Variants in AGAP1 observed in about 807,000 individuals in gnomAD.
AGAP1 encodes the protein ArfGAP with GTPase domain, ankyrin repeat and PH domain 1.
A neutral mutation model predicts 105.3 loss-of-function variants in AGAP1; 29 were observed. That is an observed-to-expected ratio of 0.28 (90% CI 0.21 to 0.38). AGAP1 has a LOEUF of 0.38. AGAP1 is among the 10% of genes least tolerant of loss of function. The pLI, the probability that AGAP1 is intolerant of heterozygous loss-of-function variation, is 1.00. For missense variants in AGAP1, 998 were observed against 1,165.1 expected, an observed-to-expected ratio of 0.86 and a Z score of 2.09; for synonymous variants, 509 against 485.9, an observed-to-expected ratio of 1.05 and a Z score of -0.63.
At position 235,582,828 on chromosome 2, in the gene AGAP1, A is replaced by C. The variant is rs1481024054; in HGVS notation, c.163+87979A>C. On this transcript the variant is annotated intron_variant, in intron 1 of 17. Coordinates refer to ENST00000304032, the MANE Select transcript of AGAP1 (RefSeq NM_001037131.3). This position sits in a 1 kb window ranked among gnomAD's most constrained non-coding sequence, Gnocchi z 4.7. The stretch of plus-strand genomic sequence containing the variant: ...ATCACAGCCTTATGCTGCATTTCCT[A>C]AAGTGCTTTCTAGCACTGACCGACT... Among the ~76,000 whole-genome samples the C allele has an allele frequency of 1.3e-5, 2 of 152,182 alleles. No homozygotes were observed. Among genetic ancestry groups the C allele is most frequent in the Non-Finnish European group, 2.9e-5 (2 of 68,034 alleles).
chr2:235,890,472 G>C (rs2050484367), intron 10 of AGAP1, among the ~76,000 whole-genome samples: 1 of 152,196 alleles, frequency 6.6e-6, no homozygotes, highest in Non-Finnish European at 1.5e-5. Flanking sequence ...CTAAAGGCCA[G>C]TGGTGGGGCA....
intron 8 of AGAP1, among the ~76,000 whole-genome samples, chr2:235,802,961 TGTG>T (rs1957602240): frequency 4.1e-5 from 1 of 24,174 alleles, no homozygotes; most frequent in African/African-American, 1.7e-4. Context: ...TGATGATGGT[TGTG>T]ATGATGGTTG....
chr2:235,701,587 C>A lies in AGAP1; in HGVS notation c.164-7592C>A, dbSNP rs929796786. ...GGGAAGCCTGAAACCAATCTGGTAT[C>A]CCCAGGGTTTATGTTTTATTTCATT... On this transcript the variant is annotated intron_variant, in intron 1 of 17. Coordinates refer to ENST00000304032, the MANE Select transcript of AGAP1 (RefSeq NM_001037131.3). This position sits in a 1 kb window ranked among gnomAD's most constrained non-coding sequence, Gnocchi z 4.1. Among the ~76,000 whole-genome samples the A allele has an allele frequency of 6.6e-6, 1 of 152,138 alleles. No individual in the cohort carries two copies. Among genetic ancestry groups the A allele is most frequent in the Non-Finnish European group, 1.5e-5 (1 of 68,028 alleles).
chr2:236,004,397 G>A (rs1049501694), intron 13 of AGAP1, among the ~76,000 whole-genome samples: 17 of 152,266 alleles, frequency 1.1e-4, no homozygotes, highest in Non-Finnish European at 2.2e-4. Context: ...TTCCCAGTGG[G>A]CCAAAGCTCA....
rs1029050192 is a variant in AGAP1, at chr2:235,612,123, G to T, written c.164-97056G>T. On this transcript the variant is annotated intron_variant, in intron 1 of 17. Coordinates refer to ENST00000304032, the MANE Select transcript of AGAP1 (RefSeq NM_001037131.3). The surrounding 1 kb of genome is among the most constrained non-coding windows in gnomAD (Gnocchi z 4.3). ...AATCGTAATCTGAGTGCAATTTCAGGACTTTGTTTTCCAGATGGCTTATTG... is the reference window on the plus strand; with the variant it reads ...AATCGTAATCTGAGTGCAATTTCAGTACTTTGTTTTCCAGATGGCTTATTG... Among the ~76,000 whole-genome samples the T allele has an allele frequency of 5.3e-5, 8 of 152,172 alleles. No homozygotes were observed. Among genetic ancestry groups the T allele is most frequent in the Non-Finnish European group, 1.5e-5 (1 of 68,028 alleles).
chr2:236,121,936 T>C lies in AGAP1; in HGVS notation c.2370+1489T>C, dbSNP rs1350019411. On this transcript the variant is annotated intron_variant, in intron 17 of 17. Transcript: ENST00000304032. The surrounding 1 kb of genome is among the most constrained non-coding windows in gnomAD (Gnocchi z 4.9). ...GCCTTTCCTCTGCACTCGCTCCTGG[T>C]AGCTCTCTCCTTTCCCCCCACCCCC... Among the ~76,000 whole-genome samples, 1 of 151,954 alleles carries C rather than the reference T, an allele frequency of 6.6e-6. No individual in the cohort carries two copies. The highest frequency in any genetic ancestry group is 1.5e-5 in the Non-Finnish European group (1 of 68,000).
chr2:235,601,306 AAG>A lies in AGAP1; in HGVS notation c.163+106461_163+106462del, dbSNP rs1219434864. On this transcript the variant is annotated intron_variant, in intron 1 of 17. Coordinates refer to ENST00000304032, the MANE Select transcript of AGAP1 (RefSeq NM_001037131.3). The surrounding 1 kb of genome is among the most constrained non-coding windows in gnomAD (Gnocchi z 4.4). ...GGAGAGAGGCGAGAAGGGAAGGAGA[AAG>A]AGATGGAGACAGGTTTGCTGTCTCT... 6.6e-6 allele frequency among the ~76,000 whole-genome samples: 1 copy of A among 152,180 alleles called. No individual in the cohort carries two copies. The highest frequency in any genetic ancestry group is 1.5e-5 in the Non-Finnish European group (1 of 68,040).
chr2:235,969,485 TA>T (rs2054551118), intron 13 of AGAP1, among the ~76,000 whole-genome samples: 1 of 152,216 alleles, frequency 6.6e-6, no homozygotes, highest in Non-Finnish European at 1.5e-5. Context: ...ACCGACATGG[TA>T]AAAGCGTGTC....
rs1481831443 is a variant in AGAP1, at chr2:235,582,594, G to A, written c.163+87745G>A. Among the ~76,000 whole-genome samples the A allele has an allele frequency of 6.6e-6, 1 of 152,158 alleles. No individual in the cohort carries two copies. Among genetic ancestry groups the A allele is most frequent in the Non-Finnish European group, 1.5e-5 (1 of 68,016 alleles). ...TTTGAGCTTCTCAGATATAAAAGAA[G>A]GATTCTTTGGGGGAGGACCTATAAA... On this transcript the variant is annotated intron_variant, in intron 1 of 17. Coordinates refer to ENST00000304032, the MANE Select transcript of AGAP1 (RefSeq NM_001037131.3). This position sits in a 1 kb window ranked among gnomAD's most constrained non-coding sequence, Gnocchi z 4.7.
chr2:235,834,844 T>G (rs908445), intron 9 of AGAP1, among the ~76,000 whole-genome samples: 79,714 of 152,104 alleles, frequency 0.52, 21,770 homozygotes, highest in East Asian at 0.84. Flanking sequence ...GGCTCGGGTC[T>G]AGTGGTGGAG....
chr2:235,829,913 G>A (rs1267278884), intron 9 of AGAP1, among the ~76,000 whole-genome samples: 18 of 152,278 alleles, frequency 1.2e-4, no homozygotes, highest in Non-Finnish European at 2.2e-4. Flanking sequence ...GCCGGGACAG[G>A]CAGAGCTTCA....
chr2:235,671,066 C>A, intron 1 of AGAP1: 1 of 1,263,524 alleles, frequency 7.9e-7, no homozygotes, highest in Non-Finnish European at 9.9e-7. Context: ...AGGTGGGCAG[C>A]GTGGCCGGGG....
Position 235,877,988 on chromosome 2 carries a change from C to G in AGAP1, c.1051-5357C>G, listed in dbSNP as rs2049828858. Among the ~76,000 whole-genome samples, 1 of 152,226 alleles carries G rather than the reference C, an allele frequency of 6.6e-6. No individual in the cohort carries two copies. The highest frequency in any genetic ancestry group is 2.4e-5 in the African/African-American group (1 of 41,476). Reference sequence around the variant, plus strand: ...TGGCAGGGCCCAGACATTCAGGCACCTCCAGGGCCAGGCAGGAAGTGGGGC... The same window carrying G: ...TGGCAGGGCCCAGACATTCAGGCACGTCCAGGGCCAGGCAGGAAGTGGGGC... On this transcript the variant is annotated intron_variant, in intron 9 of 17. Coordinates refer to ENST00000304032, the MANE Select transcript of AGAP1 (RefSeq NM_001037131.3). The surrounding 1 kb of genome is among the most constrained non-coding windows in gnomAD (Gnocchi z 4.3).
intron 1 of AGAP1, among the ~76,000 whole-genome samples, chr2:235,588,300 G>A (rs1280277951): frequency 6.6e-6 from 1 of 152,046 alleles, no homozygotes; most frequent in Non-Finnish European, 1.5e-5. Flanking sequence ...TTGTTACAGG[G>A]AAGTTAGTTC....
chr2:235,759,459 G>T (rs372384559), intron 6 of AGAP1, among the ~76,000 whole-genome samples: 1 of 151,948 alleles, frequency 6.6e-6, no homozygotes, highest in Admixed American at 6.6e-5. Context: ...GTGAGCCACC[G>T]CGCCCGGCCC....
chr2:236,021,548 CT>C (rs1403292586), intron 13 of AGAP1, among the ~76,000 whole-genome samples: 1 of 152,156 alleles, frequency 6.6e-6, no homozygotes, highest in African/African-American at 2.4e-5. Flanking sequence ...ACAGTTACCG[CT>C]TAGTAACAAG....
At chr2:235,558,399 T>A (rs538427536) in intron 1 of AGAP1, among the ~76,000 whole-genome samples, 1 of 152,264 alleles carries the variant, frequency 6.6e-6, no homozygotes, top group Admixed American at 6.5e-5. Flanking sequence ...CTGGGAGATA[T>A]GTGTATGATT....
At position 235,908,222 on chromosome 2, in the gene AGAP1, C is replaced by T. The variant is rs1034620846; in HGVS notation, c.1156-516C>T. Among the ~76,000 whole-genome samples, 2 of 152,176 alleles carry T rather than the reference C, an allele frequency of 1.3e-5. No individual in the cohort carries two copies. The highest frequency in any genetic ancestry group is 2.9e-5 in the Non-Finnish European group (2 of 68,036). On this transcript the variant is annotated intron_variant, in intron 10 of 17. Coordinates refer to ENST00000304032, the MANE Select transcript of AGAP1 (RefSeq NM_001037131.3). The surrounding 1 kb of genome is among the most constrained non-coding windows in gnomAD (Gnocchi z 4.4). Reference sequence around the variant, plus strand: ...CCAAGGCCTAGAAAGCCAGATACCCCTTGGACATCTTCCTGGTTCTTAGCA... The same window carrying T: ...CCAAGGCCTAGAAAGCCAGATACCCTTTGGACATCTTCCTGGTTCTTAGCA...
chr2:235,676,265 A>C (rs1948731178), intron 1 of AGAP1, among the ~76,000 whole-genome samples: 1 of 152,228 alleles, frequency 6.6e-6, no homozygotes, highest in African/African-American at 2.4e-5. Context: ...TCCACTGTGT[A>C]ACAATAACCT....
Sources: gnomAD v4.1 joint callset for allele counts (sites outside exome capture counted in the v4.1 genomes callset) on GRCh38, gnomAD v4.1.1 for gene constraint, Gnocchi (gnomAD v3.1) non-coding constraint, MANE v1.5 for transcripts, NCBI Gene and HGNC (gene_info 2026-07-23, HGNC 2026-07-21) for gene names.